PRKCE: variants seen among roughly 807,000 people sequenced by gnomAD.
PRKCE encodes protein kinase C epsilon, also known as protein kinase C epsilon type.
Under a neutral mutation model 85.4 loss-of-function variants are expected in PRKCE, and 16 were observed. The observed-to-expected ratio is 0.19, with a 90% CI of 0.13 to 0.28. PRKCE has a LOEUF of 0.28. Among genes scored for constraint, PRKCE ranks in the 10% least tolerant of loss-of-function variants. The pLI, the probability that PRKCE is intolerant of heterozygous loss-of-function variation, is 1.00. For missense variants in PRKCE, 573 were observed against 975.2 expected (o/e 0.59, Z 5.49); for synonymous variants, 388 against 371.5 (o/e 1.04, Z -0.51).
At chr2:46,118,225 T>G (rs936037227) in intron 11 of PRKCE, among the ~76,000 whole-genome samples, 1 of 152,202 alleles carries the variant, frequency 6.6e-6, no homozygotes, top group African/African-American at 2.4e-5. Context: ...CATCATTGTT[T>G]AACTTGAGCA....
chr2:46,124,347 C>G (rs777123157), intron 11 of PRKCE, among the ~76,000 whole-genome samples: 1 of 152,098 alleles, frequency 6.6e-6, no homozygotes, highest in Non-Finnish European at 1.5e-5. Context: ...AAGAGAGATA[C>G]TAGTGTTGAG....
At chr2:45,993,655 GC>G (rs1156251033) in intron 6 of PRKCE, among the ~76,000 whole-genome samples, 2 of 152,120 alleles carry the variant, frequency 1.3e-5, no homozygotes, top group African/African-American at 2.4e-5. Context: ...TCTCAACTTG[GC>G]TCTTTTATTC....
At chr2:45,664,594 A>G (rs616723) in intron 1 of PRKCE, among the ~76,000 whole-genome samples, 119,885 of 152,174 alleles carry the variant, frequency 0.79, 47,543 homozygotes, top group African/African-American at 0.89. Flanking sequence ...TTCCAAGTGT[A>G]CAGAACTACA....
intron 2 of PRKCE, among the ~76,000 whole-genome samples, chr2:45,975,712 G>A (rs968137116): frequency 6.6e-6 from 1 of 152,180 alleles, no homozygotes; most frequent in Non-Finnish European, 1.5e-5. Flanking sequence ...TGGTGGGGCA[G>A]TCTCAGAACT....
intron 1 of PRKCE, among the ~76,000 whole-genome samples, chr2:45,655,833 T>G (rs558828734): frequency 1.2e-4 from 14 of 113,174 alleles, no homozygotes; most frequent in Non-Finnish European, 1.7e-4. Flanking sequence ...GACAGAGTGA[T>G]ACCCTGTCTC....
intron 1 of PRKCE, among the ~76,000 whole-genome samples, chr2:45,818,327 G>GA (rs1305207875): frequency 6.6e-6 from 1 of 152,174 alleles, no homozygotes; most frequent in Non-Finnish European, 1.5e-5. Context: ...GAAGATGGAT[G>GA]AACTGGCTGC....
intron 1 of PRKCE, among the ~76,000 whole-genome samples, chr2:45,827,086 G>C (rs1017181001): frequency 2.0e-5 from 3 of 152,182 alleles, no homozygotes; most frequent in African/African-American, 7.2e-5. Context: ...CAAAGCACGT[G>C]CCAGGCCCTG....
At chr2:45,785,648 A>G (rs921175403) in intron 1 of PRKCE, among the ~76,000 whole-genome samples, 2 of 152,062 alleles carry the variant, frequency 1.3e-5, no homozygotes, top group Non-Finnish European at 2.9e-5. Flanking sequence ...GCTGAACACG[A>G]TCTGTTCTTC....
intron 1 of PRKCE, among the ~76,000 whole-genome samples, chr2:45,710,358 C>A (rs1679520863): frequency 6.6e-6 from 1 of 152,208 alleles, no homozygotes; most frequent in African/African-American, 2.4e-5. Flanking sequence ...TACCCTTGCC[C>A]ACTGAGGTAC....
At chr2:45,859,842 A>G (rs1692999806) in intron 2 of PRKCE, among the ~76,000 whole-genome samples, 3 of 152,160 alleles carry the variant, frequency 2.0e-5, no homozygotes, top group South Asian at 2.1e-4. Context: ...ATACTGATGC[A>G]TTCTCACCCT....
rs575070558 is a variant in PRKCE, at chr2:46,163,829, C to T, written c.2067+4077C>T. ...CATGGGGAAGCTGAGGCACACCCCACGGAGGCCACTGAGAGACACAGGGAA... is the reference window on the plus strand; with the variant it reads ...CATGGGGAAGCTGAGGCACACCCCATGGAGGCCACTGAGAGACACAGGGAA... On this transcript the variant is annotated intron_variant, in intron 14 of 14. Transcript: ENST00000306156. 5.4e-5 allele frequency among the ~76,000 whole-genome samples: 8 copies of T among 148,768 alleles called. No individual in the cohort carries two copies. The South Asian group carries it at 1.1e-3, about 20-fold the overall frequency.
At position 45,958,814 on chromosome 2, in the gene PRKCE, ATATTTTTTTTTTTTTTTTTTTT is replaced by A. The variant is rs1424268228; in HGVS notation, c.413-17613_413-17592del. On this transcript the variant is annotated intron_variant, in intron 2 of 14. Coordinates refer to ENST00000306156, the MANE Select transcript of PRKCE (RefSeq NM_005400.3). The stretch of plus-strand genomic sequence containing the variant: ...AACATATATATATATATATATATAT[ATATTTTTTTTTTTTTTTTTTTT>A]TTTTTTTTTTTTTTTTTTTAATAGA... Among the ~76,000 whole-genome samples, 17 of 25,456 alleles carry A rather than the reference ATATTTTTTTTTTTTTTTTTTTT, an allele frequency of 6.7e-4. No individual in the cohort carries two copies. The East Asian group carries it at 9.2e-3, about 14-fold the overall frequency. 16.7% of individuals were successfully genotyped at this position (25,456 alleles called of 152,430 possible).
chr2:45,937,661 G>A (rs1228876990), intron 2 of PRKCE, among the ~76,000 whole-genome samples: 3 of 151,820 alleles, frequency 2.0e-5, no homozygotes, highest in Admixed American at 6.6e-5. Flanking sequence ...CTTGTAGTGA[G>A]CCGAGATCAT....
chr2:46,002,531 G>T lies in PRKCE; in HGVS notation c.966+985G>T, dbSNP rs185158772. Among the ~76,000 whole-genome samples the T allele has an allele frequency of 9.2e-5, 14 of 152,316 alleles. No homozygotes were observed. In the East Asian group the frequency reaches 2.7e-3, roughly 29 times the overall value. On this transcript the variant is annotated intron_variant, in intron 7 of 14. Coordinates refer to ENST00000306156, the MANE Select transcript of PRKCE (RefSeq NM_005400.3). ...CTTCCATGTTGCTTCTCTTGTATAG[G>T]AAAGGTTGAAGGGTTCTTATTTTCT...
chr2:46,173,398 A>C (rs1679113401), intron 14 of PRKCE, among the ~76,000 whole-genome samples: 1 of 152,250 alleles, frequency 6.6e-6, no homozygotes, highest in Non-Finnish European at 1.5e-5. Context: ...CCCTTGCTCC[A>C]GGGGTGGGAA....
chr2:45,837,013 A>G (rs1351494720), intron 1 of PRKCE, among the ~76,000 whole-genome samples: 4 of 152,184 alleles, frequency 2.6e-5, no homozygotes, highest in East Asian at 1.9e-4. Context: ...AGTTGAACCT[A>G]TGGTTAGGAA....
At chr2:45,779,108 A>T (rs923522764) in intron 1 of PRKCE, among the ~76,000 whole-genome samples, 1 of 152,204 alleles carries the variant, frequency 6.6e-6, no homozygotes, top group African/African-American at 2.4e-5. Context: ...GCTCAGTAAG[A>T]TTAAGTAACT....
intron 2 of PRKCE, among the ~76,000 whole-genome samples, chr2:45,952,642 A>T (rs971283508): frequency 3.9e-5 from 6 of 152,248 alleles, no homozygotes; most frequent in African/African-American, 1.4e-4. Flanking sequence ...CAAAAAATGT[A>T]GTCGCTCTTC....
chr2:45,779,153 C>A (rs1573321389), intron 1 of PRKCE, among the ~76,000 whole-genome samples: 2 of 152,316 alleles, frequency 1.3e-5, no homozygotes, highest in East Asian at 1.9e-4. Flanking sequence ...TGCCCAACTA[C>A]GTCCTGGACT....
Sources: allele counts gnomAD v4.1 joint callset (sites outside exome capture counted in the v4.1 genomes callset), GRCh38; gene constraint gnomAD v4.1.1; transcripts MANE v1.5; gene names NCBI Gene and HGNC (gene_info 2026-07-23, HGNC 2026-07-21).